Variants in MROH9 observed in about 807,000 individuals in gnomAD.
MROH9 encodes the protein maestro heat like repeat family member 9.
In MROH9, 92 loss-of-function variants were observed where a neutral mutation model predicts 98.2. The observed-to-expected ratio is 0.94, with a 90% CI of 0.79 to 1.11. MROH9 has a LOEUF of 1.11. MROH9 is among the 50% of genes most tolerant of loss of function. The pLI, the probability that MROH9 is intolerant of heterozygous loss-of-function variation, is 0.00. For missense variants in MROH9, 1,057 were observed against 1,014.8 expected, an observed-to-expected ratio of 1.04 and a Z score of -0.57; for synonymous variants, 397 against 368.9, an observed-to-expected ratio of 1.08 and a Z score of -0.87.
At chr1:170,947,626 T>C (rs762363026) in intron 3 of MROH9, 53 bp downstream of exon 3, 5 of 1,486,212 alleles carry the variant, frequency 3.4e-6, no homozygotes, top group Non-Finnish European at 4.7e-6. Flanking sequence ...TTGGAAAAAA[T>C]AACTTTTTAC....
intron 20 of MROH9, 105 bp from the exon 21 acceptor site, chr1:171,062,027 G>A: frequency 1.5e-6 from 1 of 683,302 alleles, no homozygotes; most frequent in Non-Finnish European, 2.6e-6. Context: ...GGATAATATA[G>A]AGATGCTTTG....
chr1:171,051,919 T>G (rs1347004740), intron 20 of MROH9, among the ~76,000 whole-genome samples: 1 of 152,192 alleles, frequency 6.6e-6, no homozygotes, highest in East Asian at 1.9e-4. Context: ...TTGCCATGCT[T>G]TGATAGCAGG....
chr1:171,015,585 A>G (rs571236027), intron 16 of MROH9, among the ~76,000 whole-genome samples: 1 of 149,960 alleles, frequency 6.7e-6, no homozygotes, highest in African/African-American at 2.5e-5. Flanking sequence ...CTTGCCTTCT[A>G]TTCTGTTTGG....
intron 20 of MROH9, among the ~76,000 whole-genome samples, chr1:171,039,200 G>T (rs964310834): frequency 6.6e-6 from 1 of 152,140 alleles, no homozygotes; most frequent in Non-Finnish European, 1.5e-5. Context: ...AACAGTTTCC[G>T]TAGAGCCATT....
intron 20 of MROH9, among the ~76,000 whole-genome samples, chr1:171,045,452 T>C (rs1653445454): frequency 6.6e-6 from 1 of 152,202 alleles, no homozygotes; most frequent in Non-Finnish European, 1.5e-5. Flanking sequence ...TCTCTCTTAG[T>C]ACCGCTTTTG....
intron 20 of MROH9, among the ~76,000 whole-genome samples, chr1:171,052,774 A>C (rs2101869919): frequency 6.6e-6 from 1 of 152,330 alleles, no homozygotes; most frequent in Non-Finnish European, 1.5e-5. Context: ...CACAGCACCA[A>C]GATCTCTGCA....
At chr1:171,010,480 A>T (rs916051025) in intron 15 of MROH9, among the ~76,000 whole-genome samples, 2 of 152,094 alleles carry the variant, frequency 1.3e-5, no homozygotes, top group South Asian at 2.1e-4. Flanking sequence ...TCAAATGGTA[A>T]TTCTAGTTTC....
At chr1:170,984,993 A>C (rs1651076660) in intron 9 of MROH9, among the ~76,000 whole-genome samples, 2 of 152,212 alleles carry the variant, frequency 1.3e-5, no homozygotes, top group East Asian at 1.9e-4. Flanking sequence ...GCAAAGCACC[A>C]TTAAATGGGA....
rs539016185 is a variant in MROH9, at chr1:171,016,296, G to A, written c.1868G>A (p.Gly623Asp). Residue 623 changes from glycine (G) to aspartate (D), a missense_variant, in exon 17 of 22, where the codon GGT (glycine) becomes GAT (aspartate). Physicochemically the swap from Gly to Asp is moderately conservative, Grantham distance 94. Coordinates refer to ENST00000367759, the MANE Select transcript of MROH9 (RefSeq NM_001163629.2). ...CTGGACAAAGTGACCTACTCTTTGGGTACCAGAATTGGTTCCAGCTACTGT... is the reference window on the plus strand; with the variant it reads ...CTGGACAAAGTGACCTACTCTTTGGATACCAGAATTGGTTCCAGCTACTGT... ...NELDKVTYSL[G>D]TRIGSSYCTL... 116 of 1,535,224 alleles carry A rather than the reference G, an allele frequency of 7.6e-5. 2 individuals carry two copies. The South Asian group carries it at 1.4e-3, about 19-fold the overall frequency.
chr1:171,001,184 G>T (rs73038276), intron 15 of MROH9, among the ~76,000 whole-genome samples: 10,160 of 151,912 alleles, frequency 0.067, 395 homozygotes, highest in African/African-American at 0.085. Flanking sequence ...TCTTTACAAA[G>T]AACCAGTTTT....
intron 3 of MROH9, among the ~76,000 whole-genome samples, chr1:170,951,989 A>C (rs1282376801): frequency 1.3e-5 from 2 of 150,940 alleles, no homozygotes; most frequent in Non-Finnish European, 3.0e-5. Flanking sequence ...GCCAAAAGAC[A>C]CATGAAAAAA....
intron 8 of MROH9, among the ~76,000 whole-genome samples, chr1:170,979,526 C>G (rs1281265491): frequency 6.6e-6 from 1 of 151,940 alleles, no homozygotes; most frequent in Admixed American, 6.6e-5. Flanking sequence ...AATATTAATC[C>G]AAAGTGAGTA....
chr1:170,962,753 A>C (rs1286104550), intron 6 of MROH9, among the ~76,000 whole-genome samples: 4 of 152,072 alleles, frequency 2.6e-5, no homozygotes, highest in Non-Finnish European at 5.9e-5. Flanking sequence ...CATTTAAAAA[A>C]TGTTATCCAC....
At chr1:171,044,871 G>A (rs1368368337) in intron 20 of MROH9, among the ~76,000 whole-genome samples, 1 of 148,242 alleles carries the variant, frequency 6.7e-6, no homozygotes, top group Non-Finnish European at 1.5e-5. Flanking sequence ...CTGGCTAAAG[G>A]TATGTCACTT....
At chr1:170,990,066 G>A (rs1651297059) in intron 11 of MROH9, 63 bp downstream of exon 11, 3 of 1,493,354 alleles carry the variant, frequency 2.0e-6, no homozygotes, top group Non-Finnish European at 2.7e-6. Context: ...ACTGTCAGAT[G>A]GACCTGGGTT....
At chr1:171,057,016 T>C (rs573110927) in intron 20 of MROH9, among the ~76,000 whole-genome samples, 2 of 152,224 alleles carry the variant, frequency 1.3e-5, no homozygotes, top group Admixed American at 1.3e-4. Flanking sequence ...TGAGAAAGAA[T>C]CAATGACAAA....
chr1:170,958,432 T>C (rs45626233), intron 3 of MROH9, 29 bp from the exon 4 acceptor site: 34,345 of 877,108 alleles, frequency 0.039, 16 homozygotes, highest in East Asian at 0.15. Flanking sequence ...AATTCTTCTT[T>C]TTTTTTTTTT....
Position 171,064,140 on chromosome 1 carries a change from C to G in MROH9, c.2386C>G (p.Gln796Glu). The G allele has an allele frequency of 1.9e-6, 3 of 1,550,372 alleles. No homozygotes were observed. The highest frequency in any genetic ancestry group is 2.4e-5 in the South Asian group (2 of 83,762). ...LLRDEDPMIK[Q>E]LAEITYDIFK... ...CCGAGATGAAGACCCTATGATCAAA[C>G]AGTTGGCTGAAATAACCTATGATAT... Residue 796 changes from glutamine to glutamate, a missense_variant, in exon 22 of 22, where the codon CAG (glutamine) becomes GAG (glutamate). By Grantham distance (29) the Gln-to-Glu change is conservative. Coordinates refer to ENST00000367759, the MANE Select transcript of MROH9 (RefSeq NM_001163629.2).
chr1:170,995,467 A>G lies in MROH9; in HGVS notation c.1273A>G (p.Thr425Ala). The G allele has an allele frequency of 1.2e-6, 2 of 1,613,374 alleles. No homozygotes were observed. The highest frequency in any genetic ancestry group is 1.7e-6 in the Non-Finnish European group (2 of 1,179,586). Residue 425 changes from threonine to alanine, a missense_variant, in exon 13 of 22, where the codon ACG becomes GCG. Coordinates refer to ENST00000367759, the MANE Select transcript of MROH9 (RefSeq NM_001163629.2). ...AVAQYFPQLL[T>A]TLMFQVFYNS... is the part of the protein sequence containing the mutation. ...GGCCCAGTATTTCCCCCAGCTCTTG[A>G]CGACTCTTATGTTCCAAGTCTTCTA...
Sources: gnomAD v4.1 joint callset for allele counts (sites outside exome capture counted in the v4.1 genomes callset) on GRCh38, gnomAD v4.1.1 for gene constraint, MANE v1.5 for transcripts, NCBI Gene and HGNC (gene_info 2026-07-23, HGNC 2026-07-21) for gene names.